Variants in UST observed in about 807,000 individuals in gnomAD.
The protein encoded by UST is uronyl 2-sulfotransferase.
Under a neutral mutation model 45.6 loss-of-function variants are expected in UST, and 21 were observed. That is an observed-to-expected ratio of 0.46 (90% CI 0.33 to 0.66). UST has a LOEUF of 0.66. Among genes scored for constraint, UST ranks in the 30% least tolerant of loss-of-function variants. The pLI is 0.02. For synonymous variants in UST, 215 were observed against 200.6 expected, an observed-to-expected ratio of 1.07 and a Z score of -0.61; for missense variants, 463 against 512.4, an observed-to-expected ratio of 0.90 and a Z score of 0.93.
chr6:148,814,813 G>A (rs578166169), intron 1 of UST, among the ~76,000 whole-genome samples: 1 of 152,318 alleles, frequency 6.6e-6, no homozygotes, highest in South Asian at 2.1e-4. Flanking sequence ...TCTTCAGGGT[G>A]ATGGGGGCTT....
intron 1 of UST, among the ~76,000 whole-genome samples, chr6:148,749,597 C>A (rs1051335952): frequency 9.9e-5 from 15 of 152,186 alleles, no homozygotes; most frequent in African/African-American, 3.1e-4. Flanking sequence ...TTTTGGGGTT[C>A]TGACACCTTT....
chr6:148,771,290 TTA>T (rs1408321820), intron 1 of UST, among the ~76,000 whole-genome samples: 2 of 152,210 alleles, frequency 1.3e-5, no homozygotes, highest in Non-Finnish European at 2.9e-5. Flanking sequence ...CTTTGTGCCA[TTA>T]TTGAAGATTA....
At chr6:148,893,380 C>T (rs569611679) in intron 2 of UST, among the ~76,000 whole-genome samples, 16 of 152,220 alleles carry the variant, frequency 1.1e-4, no homozygotes, top group African/African-American at 3.9e-4. Flanking sequence ...CTACCTACAC[C>T]CCCAGAAGCT....
Position 149,058,154 on chromosome 6 carries a change from G to A in UST, c.938-15679G>A, listed in dbSNP as rs186103017. ...ATCTAGATAGTAGCTTGATCTGTACGAAACCCCAGAGAAGAAAAAGTAATA... is the reference window on the plus strand; with the variant it reads ...ATCTAGATAGTAGCTTGATCTGTACAAAACCCCAGAGAAGAAAAAGTAATA... On this transcript the variant is annotated intron_variant, in intron 7 of 7. Coordinates refer to ENST00000367463, the MANE Select transcript of UST (RefSeq NM_005715.3). Among the ~76,000 whole-genome samples the A allele has an allele frequency of 3.1e-3, 470 of 151,356 alleles. 2 individuals are homozygous for A. The highest frequency in any genetic ancestry group is 0.011 in the African/African-American group (450 of 41,216).
intron 7 of UST, among the ~76,000 whole-genome samples, chr6:149,023,152 TGTGGTGTG>T (rs1776004834): frequency 6.3e-5 from 9 of 142,536 alleles, no homozygotes; most frequent in African/African-American, 1.3e-4. Context: ...GTGTGTGTGG[TGTGGTGTG>T]GTGTGTGGTG....
intron 1 of UST, among the ~76,000 whole-genome samples, chr6:148,866,259 T>A (rs1778428940): frequency 6.6e-6 from 1 of 152,168 alleles, no homozygotes; most frequent in Non-Finnish European, 1.5e-5. Context: ...TTCTCTCGTT[T>A]ATTTATTTGA....
At chr6:149,013,628 C>T (rs1775852143) in intron 5 of UST, among the ~76,000 whole-genome samples, 2 of 152,130 alleles carry the variant, frequency 1.3e-5, no homozygotes, top group Non-Finnish European at 2.9e-5. Context: ...AGAGATGGCA[C>T]GATTTAGCTG....
intron 2 of UST, among the ~76,000 whole-genome samples, chr6:148,899,301 A>G (rs559263988): frequency 7.9e-5 from 12 of 152,032 alleles, no homozygotes; most frequent in East Asian, 1.9e-4. Context: ...GGGTTTCACC[A>G]TGTTAGCCAG....
At position 148,748,979 on chromosome 6, in the gene UST, C is replaced by T. The variant is rs1459000498; in HGVS notation, c.247+1302C>T. 6.6e-6 allele frequency among the ~76,000 whole-genome samples: 1 copy of T among 150,664 alleles called. No individual in the cohort carries two copies. The stretch of plus-strand genomic sequence containing the variant: ...AAAACAAAGCAAAACAAAAACAAAA[C>T]CACATCAGCCAAGTTACAAATGTGT... On this transcript the variant is annotated intron_variant, in intron 1 of 7. Transcript: ENST00000367463. The surrounding 1 kb of genome is among the most constrained non-coding windows in gnomAD (Gnocchi z 5.3).
chr6:148,889,699 T>C (rs1388312738), intron 2 of UST, among the ~76,000 whole-genome samples: 1 of 152,208 alleles, frequency 6.6e-6, no homozygotes, highest in East Asian at 1.9e-4. Flanking sequence ...CTTGCCTTTT[T>C]GACCTTTTTC....
chr6:148,965,876 CTTTTTTTT>C (rs56202168), intron 5 of UST, among the ~76,000 whole-genome samples: 1 of 126,236 alleles, frequency 7.9e-6, no homozygotes, highest in Non-Finnish European at 1.6e-5. Context: ...TGGCTTTTCC[CTTTTTTTT>C]TTTTTTTTTT....
chr6:148,977,948 G>A (rs892331938), intron 5 of UST, among the ~76,000 whole-genome samples: 1 of 151,908 alleles, frequency 6.6e-6, no homozygotes, highest in Non-Finnish European at 1.5e-5. Context: ...CAGAACTTCT[G>A]TTATATCTCT....
intron 5 of UST, among the ~76,000 whole-genome samples, chr6:148,997,573 C>CTATGTT (rs369463863): frequency 1.2e-3 from 186 of 151,936 alleles, no homozygotes; most frequent in African/African-American, 4.4e-3. Flanking sequence ...GCAGGTACAT[C>CTATGTT]TTAGGATATA....
intron 1 of UST, among the ~76,000 whole-genome samples, chr6:148,819,172 T>G (rs777934365): frequency 3.3e-5 from 5 of 152,228 alleles, no homozygotes; most frequent in Non-Finnish European, 7.3e-5. Flanking sequence ...CAATTTAGGT[T>G]GCTTTTCAGC....
chr6:148,998,803 C>T (rs1781495833), intron 5 of UST, among the ~76,000 whole-genome samples: 1 of 152,230 alleles, frequency 6.6e-6, no homozygotes, highest in Non-Finnish European at 1.5e-5. Flanking sequence ...CCTTATAGGC[C>T]GAGGCTGCTG....
rs770043422 is a variant in UST, at chr6:149,073,820, G to A, written c.938-13G>A. 10 of 1,609,726 alleles carry A rather than the reference G, an allele frequency of 6.2e-6. No individual in the cohort carries two copies. Among genetic ancestry groups the A allele is most frequent in the South Asian group, 1.1e-5 (1 of 90,872 alleles). ...CAAATGATGGCTCATGTGCGACCCC[G>A]GTTCTCTTCCAGAGCACAGGAAGCT... On this transcript the variant is annotated splice_polypyrimidine_tract_variant and intron_variant, in intron 7 of 7. Coordinates refer to ENST00000367463, the MANE Select transcript of UST (RefSeq NM_005715.3).
chr6:148,828,017 G>A (rs1399306404), intron 1 of UST, among the ~76,000 whole-genome samples: 1 of 151,820 alleles, frequency 6.6e-6, no homozygotes, highest in African/African-American at 2.4e-5. Flanking sequence ...GTCAAATGTT[G>A]CCATATGTTT....
intron 1 of UST, among the ~76,000 whole-genome samples, chr6:148,788,706 G>A (rs1219381674): frequency 6.6e-6 from 1 of 152,146 alleles, no homozygotes; most frequent in African/African-American, 2.4e-5. Context: ...CAGGCATCTA[G>A]AATAAAATTG....
At position 148,837,375 on chromosome 6, in the gene UST, G is replaced by A. The variant is rs542565477; in HGVS notation, c.248-49611G>A. Among the ~76,000 whole-genome samples the A allele has an allele frequency of 3.9e-5, 6 of 152,272 alleles. No homozygotes were observed. The East Asian group carries it at 1.2e-3, about 29-fold the overall frequency. ...AAGAGTATCAGAATCAAGGAGATAG[G>A]TTTGTTCTAAAAACCAGAAATGTTT... On this transcript the variant is annotated intron_variant, in intron 1 of 7. Coordinates refer to ENST00000367463, the MANE Select transcript of UST (RefSeq NM_005715.3).
Sources: allele counts gnomAD v4.1 joint callset (sites outside exome capture counted in the v4.1 genomes callset), GRCh38; gene constraint gnomAD v4.1.1; non-coding constraint Gnocchi (gnomAD v3.1); transcripts MANE v1.5; gene names NCBI Gene and HGNC (gene_info 2026-07-23, HGNC 2026-07-21).